DLC1: variants seen among roughly 807,000 people sequenced by gnomAD.
DLC1 encodes the protein DLC1 Rho GTPase activating protein.
DLC1 carries 54 observed loss-of-function variants against 140.3 expected under a neutral mutation model. That is an observed-to-expected ratio of 0.38 (90% CI 0.31 to 0.48). The LOEUF is 0.48. Among genes scored for constraint, DLC1 ranks in the 20% least tolerant of loss-of-function variants. DLC1 has a pLI of 0.96. For missense variants in DLC1, 2,536 were observed against 1,907.0 expected (o/e 1.33, Z -6.14); for synonymous variants, 986 against 728.1 (o/e 1.35, Z -5.70).
intron 1 of DLC1, among the ~76,000 whole-genome samples, chr8:13,582,106 C>T (rs1357408524): frequency 2.0e-5 from 3 of 152,064 alleles, no homozygotes; most frequent in Admixed American, 6.6e-5. Flanking sequence ...CTCTTAAATG[C>T]ATTTTTTTCT....
At chr8:13,292,892 C>T (rs1445087517) in intron 5 of DLC1, among the ~76,000 whole-genome samples, 1 of 152,002 alleles carries the variant, frequency 6.6e-6, no homozygotes. Flanking sequence ...TTAGGAGCAG[C>T]AGCATGTGAT....
chr8:13,340,465 T>G (rs1376232592), intron 4 of DLC1: 2 of 152,374 alleles, frequency 1.3e-5, no homozygotes, highest in African/African-American at 4.8e-5. Flanking sequence ...CCTCCCAAAG[T>G]GCTGGGATTA....
At chr8:13,232,341 CT>C (rs377455430) in intron 5 of DLC1, among the ~76,000 whole-genome samples, 4,460 of 148,944 alleles carry the variant, frequency 0.03, 132 homozygotes, top group African/African-American at 0.074. Context: ...CTGCTACAGT[CT>C]TTTTTTTTTG....
chr8:13,526,827 C>T (rs1036230055), intron 1 of DLC1, among the ~76,000 whole-genome samples: 3 of 152,040 alleles, frequency 2.0e-5, no homozygotes, highest in Non-Finnish European at 4.4e-5. Flanking sequence ...ATGTAAATGA[C>T]GAGTTAACGG....
chr8:13,321,866 G>C (rs1312894142), intron 4 of DLC1, among the ~76,000 whole-genome samples: 4 of 152,088 alleles, frequency 2.6e-5, no homozygotes, highest in Non-Finnish European at 5.9e-5. Context: ...TTTTCTACGT[G>C]TCTGTTATTG....
chr8:13,131,952 C>T (rs1429449000), intron 5 of DLC1, among the ~76,000 whole-genome samples: 1 of 152,158 alleles, frequency 6.6e-6, no homozygotes, highest in Non-Finnish European at 1.5e-5. Flanking sequence ...AGGAGGGGTG[C>T]ACCTCCTTCG....
intron 1 of DLC1, among the ~76,000 whole-genome samples, chr8:13,572,042 T>C (rs1804670407): frequency 6.6e-6 from 1 of 152,070 alleles, no homozygotes; most frequent in Non-Finnish European, 1.5e-5. Flanking sequence ...CTGCCCATTT[T>C]CAAATTGAGT....
chr8:13,319,480 G>C (rs199775063), intron 4 of DLC1, among the ~76,000 whole-genome samples: 52 of 104,976 alleles, frequency 5.0e-4, no homozygotes, highest in African/African-American at 8.9e-4. Flanking sequence ...GGGGCGGGGG[G>C]GGGGGGTGGA....
At chr8:13,544,405 T>C (rs1027087166) in intron 1 of DLC1, among the ~76,000 whole-genome samples, 1 of 152,198 alleles carries the variant, frequency 6.6e-6, no homozygotes, top group Non-Finnish European at 1.5e-5. Context: ...TGTAATTGTT[T>C]GGATCAATTT....
Position 13,090,473 on chromosome 8 carries a change from G to A in DLC1, c.3856-3C>T, listed in dbSNP as rs1337997441. ...CATCGGCTCATTTCCTCGGGAACCT[G>A]TGCGGAACATGACAGACAGAAAGGA... is the stretch of plus-strand genomic sequence containing the variant. On this transcript the variant is annotated splice_region_variant and splice_polypyrimidine_tract_variant and intron_variant, in intron 14 of 17. Transcript: ENST00000276297. The A allele has an allele frequency of 1.9e-6, 3 of 1,613,520 alleles. No homozygotes were observed. In the South Asian group the frequency reaches 3.3e-5, roughly 18 times the overall value.
chr8:13,185,710 G>T (rs919572982), intron 5 of DLC1, among the ~76,000 whole-genome samples: 2 of 152,050 alleles, frequency 1.3e-5, no homozygotes, highest in Admixed American at 1.3e-4. Context: ...TGGTTATTTT[G>T]CCCATTAATT....
chr8:13,534,670 G>A (rs990768675), intron 1 of DLC1, among the ~76,000 whole-genome samples: 1 of 152,150 alleles, frequency 6.6e-6, no homozygotes, highest in Non-Finnish European at 1.5e-5. Flanking sequence ...AATTCACCGG[G>A]TGCTGTTTGC....
intron 5 of DLC1, among the ~76,000 whole-genome samples, chr8:13,232,651 A>G (rs1197213182): frequency 6.6e-6 from 1 of 152,196 alleles, no homozygotes; most frequent in Non-Finnish European, 1.5e-5. Flanking sequence ...TCTTGGCATG[A>G]CAACAGAGCC....
At chr8:13,138,886 A>T (rs757827043) in intron 5 of DLC1, among the ~76,000 whole-genome samples, 8 of 152,228 alleles carry the variant, frequency 5.3e-5, no homozygotes, top group Middle Eastern at 3.2e-3. Flanking sequence ...TTTAATTTTA[A>T]CTGGAGTGTG....
intron 1 of DLC1, among the ~76,000 whole-genome samples, chr8:13,536,385 T>C (rs1465726506): frequency 2.0e-5 from 3 of 152,172 alleles, no homozygotes; most frequent in Non-Finnish European, 4.4e-5. Flanking sequence ...GTTCAAAGCA[T>C]TGGTTTAATG....
chr8:13,385,027 CA>C (rs773333081), intron 4 of DLC1, among the ~76,000 whole-genome samples: 4 of 151,916 alleles, frequency 2.6e-5, no homozygotes, highest in Admixed American at 6.6e-5. Flanking sequence ...TAAAGAAGGC[CA>C]ATATATAAAA....
intron 1 of DLC1, among the ~76,000 whole-genome samples, chr8:13,509,035 A>T (rs1222518422): frequency 1.3e-5 from 2 of 152,200 alleles, no homozygotes; most frequent in Non-Finnish European, 2.9e-5. Context: ...CGTGTGGCTG[A>T]CCTTTTTATT....
intron 1 of DLC1, among the ~76,000 whole-genome samples, chr8:13,565,756 A>C (rs1284689160): frequency 6.6e-6 from 1 of 152,216 alleles, no homozygotes; most frequent in Non-Finnish European, 1.5e-5. Flanking sequence ...AAATTATCCT[A>C]GACATTGACT....
chr8:13,267,731 T>A (rs1472183635), intron 5 of DLC1, among the ~76,000 whole-genome samples: 4 of 7,874 alleles, frequency 5.1e-4, no homozygotes, highest in Non-Finnish European at 8.4e-4. Context: ...TCCTGAGGAG[T>A]GTGTGTGTGT....
Sources: allele counts gnomAD v4.1 joint callset (sites outside exome capture counted in the v4.1 genomes callset), GRCh38; gene constraint gnomAD v4.1.1; transcripts MANE v1.5; gene names NCBI Gene and HGNC (gene_info 2026-07-23, HGNC 2026-07-21).